MBOAT1: variants seen among roughly 807,000 people sequenced by gnomAD.
MBOAT1 encodes the protein membrane bound glycerophospholipid O-acyltransferase 1, also known as membrane-bound glycerophospholipid O-acyltransferase 1.
MBOAT1 carries 67 observed loss-of-function variants against 64.4 expected under a neutral mutation model. The observed-to-expected ratio is 1.04, with a 90% CI of 0.85 to 1.27. The LOEUF (loss-of-function observed/expected upper bound fraction) is 1.27, where lower values mean the gene tolerates loss of function less well. Among genes scored for constraint, MBOAT1 ranks in the 50% most tolerant of loss-of-function variants. The pLI is 0.00. For missense variants in MBOAT1, 563 were observed against 604.6 expected (o/e 0.93, Z 0.72); for synonymous variants, 229 against 218.9 (o/e 1.05, Z -0.41).
At chr6:20,169,674 G>A (rs1762133639) in intron 1 of MBOAT1, among the ~76,000 whole-genome samples, 1 of 151,534 alleles carries the variant, frequency 6.6e-6, no homozygotes, top group Non-Finnish European at 1.5e-5. Context: ...CTAGACAACA[G>A]TTTTCAAAAC....
chr6:20,119,057 C>A (rs1392237273), intron 8 of MBOAT1, among the ~76,000 whole-genome samples: 1 of 152,102 alleles, frequency 6.6e-6, no homozygotes, highest in African/African-American at 2.4e-5. Flanking sequence ...GATTGGAGCT[C>A]TTTGTGGACA....
intron 9 of MBOAT1, among the ~76,000 whole-genome samples, chr6:20,115,914 C>A (rs952884594): frequency 6.6e-6 from 1 of 152,012 alleles, no homozygotes; most frequent in Admixed American, 6.6e-5. Context: ...ACAAATATCA[C>A]CCAACCGGCA....
chr6:20,131,308 A>C, intron 4 of MBOAT1, 109 bp from the exon 5 acceptor site: 8 of 957,818 alleles, frequency 8.4e-6, no homozygotes, highest in Non-Finnish European at 1.3e-5. Context: ...TAATCCCCAC[A>C]TGTCGTGGGA....
intron 4 of MBOAT1, among the ~76,000 whole-genome samples, chr6:20,133,584 C>T (rs948011024): frequency 1.3e-5 from 2 of 152,114 alleles, no homozygotes; most frequent in African/African-American, 4.8e-5. Flanking sequence ...ACAAAAAAAA[C>T]CTCTAGGAAC....
At position 20,101,351 on chromosome 6, in the gene MBOAT1, G is replaced by T. The variant is rs967435872; in HGVS notation, c.*935C>A. ...TCAGGTCAGAAGAAAAAGGGGAAAG[G>T]TTACATTCCTGGAAAGAAAATACAG... On this transcript the variant is annotated 3_prime_UTR_variant, in exon 13 of 13. Transcript: ENST00000324607. Among the ~76,000 whole-genome samples the T allele has an allele frequency of 3.3e-5, 5 of 152,108 alleles. No individual in the cohort carries two copies. The highest frequency in any genetic ancestry group is 9.7e-5 in the African/African-American group (4 of 41,414).
At chr6:20,152,363 A>AAATT (rs57670324) in intron 2 of MBOAT1, among the ~76,000 whole-genome samples, 27 of 141,752 alleles carry the variant, frequency 1.9e-4, no homozygotes, top group African/African-American at 4.5e-4. Context: ...ATAAATAAAT[A>AAATT]AATTAATTAA....
rs760760520 is a variant in MBOAT1 at position 20,212,242 on chromosome 6, C to A, written c.-8G>T. 27 of 1,609,694 alleles carry A rather than the reference C, an allele frequency of 1.7e-5. No homozygotes were observed. The highest frequency in any genetic ancestry group is 2.0e-4 in the Middle Eastern group (1 of 4,928). ...CTGCGGCTCTGCTGCCATCCTGCAT[C>A]TTCGGGAGGTGGCTGCCCCTGTCCC... On this transcript the variant is annotated 5_prime_UTR_variant, in exon 1 of 13. Transcript: ENST00000324607.
chr6:20,144,194 C>T, intron 4 of MBOAT1, 26 bp downstream of exon 4: 1 of 1,485,750 alleles, frequency 6.7e-7, no homozygotes, highest in African/African-American at 1.4e-5. Context: ...GCAGTAAAAC[C>T]CCTCTCTCTA....
At chr6:20,168,246 C>T (rs576328608) in intron 1 of MBOAT1, among the ~76,000 whole-genome samples, 11 of 150,592 alleles carry the variant, frequency 7.3e-5, no homozygotes, top group African/African-American at 2.2e-4. Flanking sequence ...AAAATATAAA[C>T]CCAAGCAGCA....
chr6:20,155,932 G>C (rs1254012062), intron 1 of MBOAT1, among the ~76,000 whole-genome samples: 1 of 152,150 alleles, frequency 6.6e-6, no homozygotes, highest in Non-Finnish European at 1.5e-5. Flanking sequence ...TTGCAGTCTG[G>C]TGTTGCCTGA....
chr6:20,115,716 T>C (rs1347195462), intron 9 of MBOAT1, among the ~76,000 whole-genome samples: 2 of 152,210 alleles, frequency 1.3e-5, no homozygotes, highest in Non-Finnish European at 1.5e-5. Context: ...AGTTTCATCA[T>C]GGGAATTTGG....
intron 1 of MBOAT1, among the ~76,000 whole-genome samples, chr6:20,195,605 CTGTGTGTGTG>C (rs10540923): frequency 6.7e-6 from 1 of 149,536 alleles, no homozygotes; most frequent in Non-Finnish European, 1.5e-5. Flanking sequence ...AATAAATTGC[CTGTGTGTGTG>C]TGTGTGTGTG....
At chr6:20,205,647 C>T (rs543533203) in intron 1 of MBOAT1, among the ~76,000 whole-genome samples, 2 of 152,250 alleles carry the variant, frequency 1.3e-5, no homozygotes, top group East Asian at 3.9e-4. Context: ...GAGGGACAGT[C>T]CCCAACTCCA....
At chr6:20,124,250 G>A (rs1210180614) in intron 8 of MBOAT1, among the ~76,000 whole-genome samples, 158 bp downstream of exon 8, 1 of 152,074 alleles carries the variant, frequency 6.6e-6, no homozygotes, top group Non-Finnish European at 1.5e-5. Flanking sequence ...TGGGAGAGAG[G>A]AGTGCTATGT....
At chr6:20,181,545 A>G (rs375773000) in intron 1 of MBOAT1, among the ~76,000 whole-genome samples, 1 of 152,216 alleles carries the variant, frequency 6.6e-6, no homozygotes, top group East Asian at 1.9e-4. Context: ...ATTCCCAGAG[A>G]GCCTCTCTCT....
chr6:20,122,504 G>C (rs112467258), intron 8 of MBOAT1, among the ~76,000 whole-genome samples: 1,615 of 152,254 alleles, frequency 0.011, 31 homozygotes, highest in African/African-American at 0.037. Context: ...AAATTAAATT[G>C]AAAGTGTACA....
intron 1 of MBOAT1, among the ~76,000 whole-genome samples, chr6:20,202,709 T>C (rs564389390): frequency 3.7e-4 from 57 of 152,314 alleles, no homozygotes; most frequent in Non-Finnish European, 7.1e-4. Context: ...ATAGTTATCT[T>C]TTAATAAAGC....
chr6:20,142,641 C>T (rs2479091), intron 4 of MBOAT1, among the ~76,000 whole-genome samples: 2 of 151,764 alleles, frequency 1.3e-5, no homozygotes, highest in Non-Finnish European at 2.9e-5. Flanking sequence ...GTAGAGATAG[C>T]GTTTCACCAT....
intron 4 of MBOAT1, among the ~76,000 whole-genome samples, chr6:20,134,588 A>G (rs2839922): frequency 0.061 from 9,336 of 152,274 alleles, 405 homozygotes; most frequent in South Asian, 0.13. Context: ...AAAAATGCTG[A>G]TCTAAAAGCA....
Sources: gnomAD v4.1 joint callset for allele counts (sites outside exome capture counted in the v4.1 genomes callset) on GRCh38, gnomAD v4.1.1 for gene constraint, MANE v1.5 for transcripts, NCBI Gene and HGNC (gene_info 2026-07-23, HGNC 2026-07-21) for gene names.